The following KCNMA1 variants were observed in gnomAD, a reference collection of about 807,000 sequenced individuals.
KCNMA1 encodes Calcium-activated potassium channel subunit alpha-1.
KCNMA1 carries 29 observed loss-of-function variants against 140.0 expected under a neutral mutation model. The ratio of observed to expected loss-of-function variants is 0.21; its 90% CI spans 0.15 to 0.28. The LOEUF (loss-of-function observed/expected upper bound fraction) is 0.28, where lower values mean the gene tolerates loss of function less well. Ranked by LOEUF, KCNMA1 falls within the 10% of genes least tolerant of loss-of-function variation. KCNMA1 has a pLI of 1.00. For synonymous variants in KCNMA1, 612 were observed against 611.9 expected (o/e 1.00, Z 0.00); for missense variants, 880 against 1,602.2 (o/e 0.55, Z 7.70).
At chr10:77,615,475 T>A (rs1016554137) in intron 1 of KCNMA1, among the ~76,000 whole-genome samples, 2 of 151,988 alleles carry the variant, frequency 1.3e-5, no homozygotes, top group Admixed American at 6.6e-5. Context: ...AGGAGCACAA[T>A]CACAATTCTT....
At chr10:77,497,450 G>A (rs2042360014) in intron 1 of KCNMA1, among the ~76,000 whole-genome samples, 1 of 152,152 alleles carries the variant, frequency 6.6e-6, no homozygotes, top group Admixed American at 6.5e-5. Context: ...GTCTATTCCT[G>A]ACACTGTTGC....
At chr10:76,962,369 G>A (rs1190836606) in intron 20 of KCNMA1, among the ~76,000 whole-genome samples, 1 of 152,172 alleles carries the variant, frequency 6.6e-6, no homozygotes, top group East Asian at 1.9e-4. Flanking sequence ...ACACGATAAG[G>A]CCTTTTCTGT....
In KCNMA1 at chr10:77,586,541, G is replaced by A. The variant is rs2077335028; in HGVS notation, c.378+50724C>T. The A allele has an allele frequency of 1.3e-5, 2 of 152,184 alleles. 1 individual carries two copies. The highest frequency in any genetic ancestry group is 4.1e-4 in the South Asian group (2 of 4,822). The allele number at this position is 152,184 out of a possible 1,614,324, so 9.4% of individuals were successfully genotyped here. A position where few individuals can be genotyped will look rare whatever the true frequency, so the allele number is the denominator to read the frequency against. Reference sequence around the variant, plus strand: ...TCATTAGTAGACAGTAAATGTCACTGTTTATTAAAAAGCTAATAATCCATT... The same window carrying A: ...TCATTAGTAGACAGTAAATGTCACTATTTATTAAAAAGCTAATAATCCATT... On this transcript the variant is annotated intron_variant, in intron 1 of 27. Transcript: ENST00000286628.
intron 2 of KCNMA1, among the ~76,000 whole-genome samples, chr10:77,330,630 A>T (rs2086032302): frequency 1.3e-5 from 2 of 152,100 alleles, no homozygotes; most frequent in Non-Finnish European, 2.9e-5. Flanking sequence ...TGATCTCCCG[A>T]TTATACAGAA....
intron 12 of KCNMA1, among the ~76,000 whole-genome samples, chr10:77,081,894 C>A (rs1011775479): frequency 1.3e-5 from 2 of 151,636 alleles, no homozygotes; most frequent in African/African-American, 4.8e-5. Context: ...AAAGACAAAG[C>A]CCATTTTTAA....
Position 77,637,337 on chromosome 10 carries a change from G to A in KCNMA1, c.306C>T (p.Leu102=), listed in dbSNP as rs760858527. The change falls in exon 1 of 28, where the codon CTC becomes CTT. Residue 102 remains leucine, a synonymous_variant. Transcript: ENST00000286628. ...ASSMVTFFGG[L]FIILLWRTLK... ...GCGTCCGCCAGAGCAAGATGATGAA[G>A]AGGCCCCCGAAGAAAGTCACCATGG... 2.5e-6 allele frequency: 4 copies of A among 1,613,930 alleles called. No individual in the cohort carries two copies. The highest frequency in any genetic ancestry group is 2.2e-5 in the East Asian group (1 of 44,862).
intron 5 of KCNMA1, among the ~76,000 whole-genome samples, chr10:77,129,409 G>A (rs2097804621): frequency 6.6e-6 from 1 of 152,080 alleles, no homozygotes; most frequent in Non-Finnish European, 1.5e-5. Flanking sequence ...TATGCCAAAA[G>A]GAGAATGCTT....
At chr10:77,044,723 G>A (rs1417798255) in intron 14 of KCNMA1, among the ~76,000 whole-genome samples, 4 of 152,146 alleles carry the variant, frequency 2.6e-5, no homozygotes, top group Non-Finnish European at 5.9e-5. Context: ...ACCAGGTAAA[G>A]GGAGTTATTG....
intron 19 of KCNMA1, chr10:76,970,748 C>T (rs1015705690): frequency 6.5e-5 from 10 of 152,988 alleles, no homozygotes; most frequent in African/African-American, 9.7e-5. Context: ...ACAGGAGCAC[C>T]GGGGCTGGTG....
chr10:77,126,735 CA>C (rs2097749474), intron 5 of KCNMA1, among the ~76,000 whole-genome samples: 1 of 144,002 alleles, frequency 6.9e-6, no homozygotes. Flanking sequence ...ACCCCCCCCC[CA>C]CCACCACACA....
chr10:77,538,026 ACT>A (rs2059307475), intron 1 of KCNMA1, among the ~76,000 whole-genome samples: 1 of 151,380 alleles, frequency 6.6e-6, no homozygotes, highest in African/African-American at 2.4e-5. Flanking sequence ...CTCTACACGT[ACT>A]CTCACACACA....
At position 77,387,166 on chromosome 10, in the gene KCNMA1, T is replaced by C. The variant is rs1298543140; in HGVS notation, c.540+16696A>G. On this transcript the variant is annotated intron_variant, in intron 2 of 27. Coordinates refer to ENST00000286628, the MANE Select transcript of KCNMA1 (RefSeq NM_001161352.2). Reference sequence around the variant, plus strand: ...CATTTCTGTTTGTCTGTAGAATCACTGTGGCTCTGAAATCCACCCCCTCTG... The same window carrying C: ...CATTTCTGTTTGTCTGTAGAATCACCGTGGCTCTGAAATCCACCCCCTCTG... 5.9e-5 allele frequency among the ~76,000 whole-genome samples: 9 copies of C among 152,220 alleles called. No individual in the cohort carries two copies. In the East Asian group the frequency reaches 1.7e-3, roughly 29 times the overall value.
intron 2 of KCNMA1, among the ~76,000 whole-genome samples, chr10:77,278,385 T>C (rs1365883657): frequency 6.6e-6 from 1 of 152,184 alleles, no homozygotes; most frequent in Non-Finnish European, 1.5e-5. Context: ...CAGAAGCAGA[T>C]GATCAGTTTG....
intron 5 of KCNMA1, among the ~76,000 whole-genome samples, chr10:77,155,949 CG>C (rs2098478476): frequency 6.6e-6 from 1 of 152,052 alleles, no homozygotes; most frequent in Non-Finnish European, 1.5e-5. Flanking sequence ...CAAAGTTGGC[CG>C]GGCATGGTGG....
chr10:77,408,152 G>A (rs569509173), intron 1 of KCNMA1, among the ~76,000 whole-genome samples: 7 of 152,270 alleles, frequency 4.6e-5, no homozygotes, highest in African/African-American at 1.7e-4. Context: ...AGATGAGAAC[G>A]CTGAGGACCA....
chr10:77,241,290 T>G (rs1426682970), intron 3 of KCNMA1, among the ~76,000 whole-genome samples: 1 of 152,156 alleles, frequency 6.6e-6, no homozygotes, highest in African/African-American at 2.4e-5. Context: ...CAAAAAAGTC[T>G]AAATTTTAAC....
At chr10:77,210,043 C>T (rs1254262520) in intron 3 of KCNMA1, among the ~76,000 whole-genome samples, 1 of 151,988 alleles carries the variant, frequency 6.6e-6, no homozygotes, top group South Asian at 2.1e-4. Context: ...GGAGGAAGGG[C>T]TCCTCCCTGA....
intron 22 of KCNMA1, among the ~76,000 whole-genome samples, chr10:76,948,094 T>C (rs933817926): frequency 1.3e-5 from 2 of 152,094 alleles, no homozygotes; most frequent in African/African-American, 4.8e-5. Context: ...AGCCTCCACC[T>C]CTCAGGCTCA....
chr10:77,572,261 T>G (rs1417683162), intron 1 of KCNMA1, among the ~76,000 whole-genome samples: 1 of 151,982 alleles, frequency 6.6e-6, no homozygotes, highest in Non-Finnish European at 1.5e-5. Context: ...CAATTCAGAA[T>G]TTTAAAAAGA....
Sources: allele counts gnomAD v4.1 joint callset (sites outside exome capture counted in the v4.1 genomes callset), GRCh38; gene constraint gnomAD v4.1.1; transcripts MANE v1.5; gene names NCBI Gene and HGNC (gene_info 2026-07-23, HGNC 2026-07-21).